Variants in SART3 observed in about 807,000 individuals in gnomAD.
SART3 encodes spliceosome associated factor 3, U4/U6 recycling protein.
In SART3, 44 loss-of-function variants were observed where a neutral mutation model predicts 122.3. The observed-to-expected ratio is 0.36, with a 90% confidence interval of 0.28 to 0.46. The LOEUF is 0.46. SART3 is among the 20% of genes least tolerant of loss of function. SART3 has a pLI of 1.00. For synonymous variants in SART3, 442 were observed against 454.0 expected (o/e 0.97, Z 0.34); for missense variants, 1,101 against 1,229.0 (o/e 0.90, Z 1.56).
intron 1 of SART3, among the ~76,000 whole-genome samples, chr12:108,549,791 G>A (rs937216282): frequency 1.3e-5 from 2 of 151,990 alleles, no homozygotes; most frequent in African/African-American, 4.8e-5. Context: ...CGAGGCAGGT[G>A]GATTGCTTGA....
Position 108,544,428 on chromosome 12 carries a change from A to G in SART3, c.780T>C (p.Tyr260=), listed in dbSNP as rs1409930473. ...LFRRQLAIPL[Y]DMEATFAEYE... ...TGTTGACATGTCAGTTTCTCTTACC[A>G]TAGAGTGGGATCGCCAACTGTCGCC... The change falls in exon 5 of 19, where the codon TAT becomes TAC. Residue 260 remains tyrosine (Y), a splice_region_variant and synonymous_variant. Coordinates refer to ENST00000546815, the MANE Select transcript of SART3 (RefSeq NM_014706.4). 3 of 1,613,654 alleles carry G rather than the reference A, an allele frequency of 1.9e-6. No individual in the cohort carries two copies. The highest frequency in any genetic ancestry group is 4.5e-5 in the East Asian group (2 of 44,888).
At chr12:108,557,335 TC>T (rs1284902294) in intron 1 of SART3, among the ~76,000 whole-genome samples, 1 of 148,842 alleles carries the variant, frequency 6.7e-6, no homozygotes, top group Non-Finnish European at 1.5e-5. Flanking sequence ...TGCCTCAGCC[TC>T]CCGAGTAGCT....
intron 15 of SART3, among the ~76,000 whole-genome samples, chr12:108,529,533 A>G (rs1476277839): frequency 6.6e-6 from 1 of 152,238 alleles, no homozygotes; most frequent in Non-Finnish European, 1.5e-5. Flanking sequence ...GGGACATAGA[A>G]GCCTGTGTGA....
chr12:108,528,522 G>A (rs1386717560), intron 15 of SART3, among the ~76,000 whole-genome samples: 2 of 151,686 alleles, frequency 1.3e-5, no homozygotes, highest in African/African-American at 4.8e-5. Context: ...AGCCTGGCAG[G>A]TCTGTGCAGG....
At chr12:108,527,570 A>G (rs1398431700) in intron 15 of SART3, among the ~76,000 whole-genome samples, 2 of 152,176 alleles carry the variant, frequency 1.3e-5, no homozygotes, top group Non-Finnish European at 2.9e-5. Flanking sequence ...GTCACACATC[A>G]CATTTGCCTT....
rs529528305 is a variant in SART3 at position 108,560,945 on chromosome 12, G to A, written c.210C>T (p.Tyr70=). The stretch of plus-strand genomic sequence containing the variant: ...AGCTCTCCGCGGAGGAAGCCATGGC[G>A]TACTCATCCCCATCGCTCTCGCTCA... ...EGVSESDGDE[Y]AMASSAESSP... The change falls in exon 1 of 19, where the codon TAC becomes TAT. Residue 70 remains tyrosine, a synonymous_variant. Coordinates refer to ENST00000546815, the MANE Select transcript of SART3 (RefSeq NM_014706.4). 5 of 1,613,906 alleles carry A rather than the reference G, an allele frequency of 3.1e-6. No individual in the cohort carries two copies. In the South Asian group the frequency reaches 4.4e-5, roughly 14 times the overall value.
At chr12:108,537,876 T>C (rs1413605571) in intron 8 of SART3, among the ~76,000 whole-genome samples, 189 bp downstream of exon 8, 1 of 152,188 alleles carries the variant, frequency 6.6e-6, no homozygotes, top group Non-Finnish European at 1.5e-5. Context: ...CAATGAATAT[T>C]AGCATGTTAA....
At chr12:108,560,468 T>G in intron 1 of SART3, 4 of 369,756 alleles carry the variant, frequency 1.1e-5, no homozygotes, top group East Asian at 4.0e-5. Context: ...CTCTTGCGAA[T>G]GAGTTTATTT....
chr12:108,545,744 GACC>G (rs1210168562), intron 3 of SART3, among the ~76,000 whole-genome samples: 1 of 152,132 alleles, frequency 6.6e-6, no homozygotes, highest in African/African-American at 2.4e-5. Flanking sequence ...GACGTGGGAG[GACC>G]ACAAGGTCAG....
rs1872873635 is a variant in SART3 at position 108,535,687 on chromosome 12, G to A, written c.1447-219C>T. 8.8e-6 allele frequency: 5 copies of A among 565,588 alleles called. No homozygotes were observed. The South Asian group carries it at 8.9e-5, about 10-fold the overall frequency. 35.0% of individuals were successfully genotyped at this position (565,588 alleles called of 1,614,324 possible). A position where few individuals can be genotyped will look rare whatever the true frequency, so the allele number is the denominator to read the frequency against. On this transcript the variant is annotated intron_variant, in intron 11 of 18. Transcript: ENST00000546815. ...AAGCTAATCTACCTATGTTTCCTGA[G>A]AACCGAGAGAGGGAGCGCACGGTAC...
At chr12:108,559,406 C>A (rs1448787016) in intron 1 of SART3, among the ~76,000 whole-genome samples, 1 of 152,198 alleles carries the variant, frequency 6.6e-6, no homozygotes, top group Non-Finnish European at 1.5e-5. Flanking sequence ...CGGCTCACAC[C>A]TGTAATCTCA....
intron 16 of SART3, 107 bp from the exon 17 acceptor site, chr12:108,525,716 A>T: frequency 8.5e-7 from 1 of 1,171,658 alleles, no homozygotes; most frequent in Non-Finnish European, 1.3e-6. Context: ...AGCCAGGCAG[A>T]CTAGAGCCAA....
chr12:108,542,968 AC>A, intron 6 of SART3, 59 bp downstream of exon 6: 1 of 1,607,824 alleles, frequency 6.2e-7, no homozygotes, highest in African/African-American at 1.3e-5. Context: ...TTAACTCGCA[AC>A]TATCCATCAG....
intron 9 of SART3, chr12:108,537,049 A>C: frequency 1.9e-6 from 1 of 514,062 alleles, no homozygotes; most frequent in South Asian, 2.0e-5. Context: ...TGACACAGGC[A>C]AACAAGAGAA....
chr12:108,544,629 T>G, intron 4 of SART3, 151 bp from the exon 5 acceptor site: 1 of 1,028,816 alleles, frequency 9.7e-7, no homozygotes, highest in South Asian at 1.3e-5. Context: ...TGTGGTGGTG[T>G]GATCACAACT....
chr12:108,539,318 T>G (rs1266634100), intron 6 of SART3, among the ~76,000 whole-genome samples: 1 of 152,150 alleles, frequency 6.6e-6, no homozygotes, highest in Non-Finnish European at 1.5e-5. Context: ...CCATAAACTC[T>G]TTTCTAAATC....
intron 1 of SART3, among the ~76,000 whole-genome samples, chr12:108,559,032 C>CAAAAAAA (rs1447808029): frequency 9.2e-5 from 1 of 10,902 alleles, no homozygotes; most frequent in African/African-American, 2.4e-4. Flanking sequence ...GACTCCGTCT[C>CAAAAAAA]AAAAAAGAAA....
intron 15 of SART3, among the ~76,000 whole-genome samples, chr12:108,527,118 C>G (rs1872421803): frequency 6.6e-6 from 1 of 152,208 alleles, no homozygotes; most frequent in African/African-American, 2.4e-5. Flanking sequence ...AGACATCAGC[C>G]TCCGGCAAAC....
At chr12:108,544,973 AT>A in intron 4 of SART3, 165 bp downstream of exon 4, 2 of 769,534 alleles carry the variant, frequency 2.6e-6, no homozygotes, top group South Asian at 1.4e-5. Flanking sequence ...TAGAAGGGGT[AT>A]AAAAAAAGGT....
Sources: gnomAD v4.1 joint callset for allele counts (sites outside exome capture counted in the v4.1 genomes callset) on GRCh38, gnomAD v4.1.1 for gene constraint, MANE v1.5 for transcripts, NCBI Gene and HGNC (gene_info 2026-07-23, HGNC 2026-07-21) for gene names.